SLC6A20: variants seen among roughly 807,000 people sequenced by gnomAD.
SLC6A20 encodes the protein solute carrier family 6 member 20, also known as sodium- and chloride-dependent transporter XTRP3.
SLC6A20 carries 73 observed loss-of-function variants against 64.3 expected under a neutral mutation model. The ratio of observed to expected loss-of-function variants is 1.14; its 90% CI spans 0.94 to 1.38. SLC6A20 has a LOEUF of 1.38. SLC6A20 is among the 40% of genes most tolerant of loss of function. The pLI is 0.00. For missense variants in SLC6A20, 725 were observed against 772.8 expected, an observed-to-expected ratio of 0.94 and a Z score of 0.73; for synonymous variants, 347 against 329.6, an observed-to-expected ratio of 1.05 and a Z score of -0.57.
chr3:45,771,623 C>A, intron 5 of SLC6A20, 165 bp from the exon 6 acceptor site: 1 of 1,084,614 alleles, frequency 9.2e-7, no homozygotes. Context: ...CCCATCCACT[C>A]CCTGGCAGAT....
At chr3:45,774,124 G>A (rs1028303330) in intron 4 of SLC6A20, among the ~76,000 whole-genome samples, 1 of 152,228 alleles carries the variant, frequency 6.6e-6, no homozygotes, top group Non-Finnish European at 1.5e-5. Flanking sequence ...AAACAAAGTC[G>A]ATTCCAACAG....
chr3:45,764,708 CAA>C (rs71288017), intron 8 of SLC6A20, among the ~76,000 whole-genome samples: 17 of 107,206 alleles, frequency 1.6e-4, no homozygotes, highest in Admixed American at 2.0e-4. Context: ...TCTTTAAAAA[CAA>C]AAAAAAAAAA....
intron 9 of SLC6A20, among the ~76,000 whole-genome samples, chr3:45,760,792 G>A (rs1266905959): frequency 1.3e-5 from 2 of 152,222 alleles, no homozygotes; most frequent in Non-Finnish European, 2.9e-5. Context: ...GGCATTTTGG[G>A]AGATGTTGGC....
chr3:45,776,037 A>C (rs937456341), intron 3 of SLC6A20, 49 bp from the exon 4 acceptor site: 4 of 1,579,000 alleles, frequency 2.5e-6, no homozygotes, highest in Non-Finnish European at 2.6e-6. Context: ...GCTGAGGACA[A>C]AGGCTGTGGC....
chr3:45,781,358 A>G (rs1021599373), intron 2 of SLC6A20, among the ~76,000 whole-genome samples: 17 of 152,204 alleles, frequency 1.1e-4, no homozygotes, highest in African/African-American at 4.1e-4. Context: ...TTGCTCCTGA[A>G]ACGTCACTCT....
At chr3:45,761,454 C>T (rs889297102) in intron 9 of SLC6A20, among the ~76,000 whole-genome samples, 1 of 152,184 alleles carries the variant, frequency 6.6e-6, no homozygotes, top group Non-Finnish European at 1.5e-5. Flanking sequence ...CCTCACCCAT[C>T]TAGTGACCTC....
rs1253219114 is a variant in SLC6A20 at position 45,779,770 on chromosome 3, A to G, written c.354+239T>C. Among the ~76,000 whole-genome samples the G allele has an allele frequency of 2.0e-5, 3 of 152,206 alleles. No homozygotes were observed. In the East Asian group the frequency reaches 5.8e-4, roughly 29 times the overall value. ...AAAGCCATGGACCTTCTCTCCAAGAACACGCACACTCTCACCGGTGGACTC... is the reference window on the plus strand; with the variant it reads ...AAAGCCATGGACCTTCTCTCCAAGAGCACGCACACTCTCACCGGTGGACTC... On this transcript the variant is annotated intron_variant, in intron 3 of 10. Transcript: ENST00000358525.
intron 1 of SLC6A20, among the ~76,000 whole-genome samples, chr3:45,792,563 C>T (rs1351051414): frequency 4.6e-5 from 7 of 152,196 alleles, no homozygotes; most frequent in Non-Finnish European, 1.0e-4. Context: ...TTCCCAACTA[C>T]TGGGGGCCCT....
At chr3:45,767,146 T>A (rs1044569873) in intron 7 of SLC6A20, among the ~76,000 whole-genome samples, 5 of 152,176 alleles carry the variant, frequency 3.3e-5, no homozygotes, top group Admixed American at 1.3e-4. Flanking sequence ...AAGGGAGTGA[T>A]CACTTGTAGA....
At chr3:45,793,757 A>C (rs1466301643) in intron 1 of SLC6A20, among the ~76,000 whole-genome samples, 1 of 152,182 alleles carries the variant, frequency 6.6e-6, no homozygotes, top group Non-Finnish European at 1.5e-5. Flanking sequence ...AGCTCTGCTT[A>C]CAAGGAAGTT....
chr3:45,778,909 T>C (rs1356229902), intron 3 of SLC6A20, among the ~76,000 whole-genome samples: 1 of 152,194 alleles, frequency 6.6e-6, no homozygotes, highest in African/African-American at 2.4e-5. Context: ...ACAGCTTTCT[T>C]GCCAGAGATA....
At chr3:45,771,151 G>A in intron 6 of SLC6A20, 66 bp downstream of exon 6, 1 of 1,604,474 alleles carries the variant, frequency 6.2e-7, no homozygotes, top group East Asian at 2.2e-5. Context: ...CCCAGCCCTT[G>A]CCCAGGCGAC....
rs780035371 is a variant in SLC6A20, at chr3:45,783,637, G to T, written c.122-1414C>A. On this transcript the variant is annotated intron_variant, in intron 1 of 10. Transcript: ENST00000358525. ...GTCCACTTGTTTGTGTATTTCCTTG[G>T]GATACAAATCCCAGAAGTGGAATGG... Among the ~76,000 whole-genome samples, 10 of 152,204 alleles carry T rather than the reference G, an allele frequency of 6.6e-5. No homozygotes were observed. The South Asian group carries it at 8.3e-4, about 13-fold the overall frequency.
At chr3:45,773,458 C>G (rs1219198948) in intron 4 of SLC6A20, among the ~76,000 whole-genome samples, 1 of 152,226 alleles carries the variant, frequency 6.6e-6, no homozygotes, top group African/African-American at 2.4e-5. Context: ...ACCTGTCATG[C>G]TCTGGGTGAT....
rs11130075 is a variant in SLC6A20 at position 45,795,166 on chromosome 3, G to A, written c.121+1133C>T. ...ACACAAAAACACACACACACGACAA[G>A]GTAAACAAAAATCACCCAGAAATTT... On this transcript the variant is annotated intron_variant, in intron 1 of 10. Coordinates refer to ENST00000358525, the MANE Select transcript of SLC6A20 (RefSeq NM_020208.4). Among the ~76,000 whole-genome samples, 151 of 151,828 alleles carry A rather than the reference G, an allele frequency of 9.9e-4. No homozygotes were observed. The East Asian group carries it at 0.028, about 28-fold the overall frequency.
At chr3:45,759,245 G>A (rs1398755579) in intron 10 of SLC6A20, 118 bp from the exon 11 acceptor site, 2 of 1,105,676 alleles carry the variant, frequency 1.8e-6, no homozygotes, top group South Asian at 2.1e-5. Flanking sequence ...TGGGGCCGGT[G>A]TCCTCACTCC....
intron 1 of SLC6A20, chr3:45,791,847 A>G (rs1248691933): frequency 6.6e-6 from 1 of 152,242 alleles, no homozygotes; most frequent in Non-Finnish European, 1.5e-5. Context: ...TCATGATCCA[A>G]TCACCTCCCA....
chr3:45,766,163 G>C (rs556382719), intron 7 of SLC6A20, among the ~76,000 whole-genome samples: 1 of 152,348 alleles, frequency 6.6e-6, no homozygotes, highest in African/African-American at 2.4e-5. Context: ...TTGGTCAGCA[G>C]GCAACCAGGA....
At chr3:45,787,188 C>T (rs1292140299) in intron 1 of SLC6A20, among the ~76,000 whole-genome samples, 2 of 152,218 alleles carry the variant, frequency 1.3e-5, no homozygotes, top group Non-Finnish European at 2.9e-5. Flanking sequence ...GAACAGGGCT[C>T]CCACCTTCCC....
Sources: gnomAD v4.1 joint callset for allele counts (sites outside exome capture counted in the v4.1 genomes callset) on GRCh38, gnomAD v4.1.1 for gene constraint, MANE v1.5 for transcripts, NCBI Gene and HGNC (gene_info 2026-07-23, HGNC 2026-07-21) for gene names.